Variants in FBXL17 observed in about 807,000 individuals in gnomAD.
FBXL17 encodes the protein F-box/LRR-repeat protein 17.
A neutral mutation model predicts 66.2 loss-of-function variants in FBXL17; 22 were observed. The ratio of observed to expected loss-of-function variants is 0.33; its 90% CI spans 0.24 to 0.47. The LOEUF is 0.47. Ranked by LOEUF, FBXL17 falls within the 20% of genes least tolerant of loss-of-function variation. The probability of loss-of-function intolerance (pLI) is 1.00; values close to 1 mark genes in which losing one functional copy is unlikely to be tolerated. For missense variants in FBXL17, 878 were observed against 948.2 expected (o/e 0.93, Z 0.97); for synonymous variants, 474 against 400.5 (o/e 1.18, Z -2.19).
intron 4 of FBXL17, among the ~76,000 whole-genome samples, chr5:108,259,075 A>T (rs865930961): frequency 3.9e-5 from 6 of 152,236 alleles, no homozygotes; most frequent in African/African-American, 1.4e-4. Flanking sequence ...TCTCCCTTGA[A>T]CAATAAGTCT....
intron 7 of FBXL17, among the ~76,000 whole-genome samples, chr5:107,998,240 G>C (rs185400685): frequency 1.4e-4 from 22 of 152,236 alleles, no homozygotes; most frequent in Admixed American, 3.9e-4. Flanking sequence ...GTGGCTACTA[G>C]AACATTTTAA....
chr5:107,880,948 G>T (rs772820336), intron 8 of FBXL17, 89 bp downstream of exon 8: 1 of 1,607,098 alleles, frequency 6.2e-7, no homozygotes. Flanking sequence ...ATACACGGGG[G>T]TGGAGATAGA....
chr5:108,340,839 G>T (rs1443196937), intron 4 of FBXL17, among the ~76,000 whole-genome samples: 1 of 152,084 alleles, frequency 6.6e-6, no homozygotes, highest in South Asian at 2.1e-4. Context: ...TAGGAGGGAT[G>T]AATAAAAAGA....
At chr5:108,230,631 G>A (rs1487307287) in intron 4 of FBXL17, among the ~76,000 whole-genome samples, 1 of 151,842 alleles carries the variant, frequency 6.6e-6, no homozygotes, top group South Asian at 2.1e-4. Flanking sequence ...TATACTGCTC[G>A]GGTGATGGGT....
At chr5:107,899,498 T>G (rs922472670) in intron 7 of FBXL17, among the ~76,000 whole-genome samples, 2 of 152,076 alleles carry the variant, frequency 1.3e-5, no homozygotes, top group Non-Finnish European at 2.9e-5. Context: ...TTAAAAGGTG[T>G]GATGGCAGGC....
chr5:108,164,181 A>G (rs1179589707), intron 6 of FBXL17, among the ~76,000 whole-genome samples: 1 of 152,238 alleles, frequency 6.6e-6, no homozygotes, highest in African/African-American at 2.4e-5. Context: ...TCAACAGGAA[A>G]TAGGATAAGC....
intron 7 of FBXL17, among the ~76,000 whole-genome samples, chr5:107,939,347 G>T (rs1004533628): frequency 1.3e-5 from 2 of 151,914 alleles, no homozygotes; most frequent in African/African-American, 4.8e-5. Flanking sequence ...CGTGCTTCTG[G>T]GGCACGCAAC....
At chr5:107,886,289 C>T (rs142140607) in intron 7 of FBXL17, among the ~76,000 whole-genome samples, 118 of 152,244 alleles carry the variant, frequency 7.8e-4, no homozygotes, top group African/African-American at 2.8e-3. Context: ...GAGGCACACA[C>T]ATACACAGAT....
chr5:108,307,708 A>G (rs1031454698), intron 4 of FBXL17, among the ~76,000 whole-genome samples: 1 of 152,122 alleles, frequency 6.6e-6, no homozygotes, highest in African/African-American at 2.4e-5. Flanking sequence ...CTTTGCTGCT[A>G]TGAATGACAG....
intron 6 of FBXL17, among the ~76,000 whole-genome samples, chr5:108,111,249 AAAG>A (rs1750022127): frequency 6.7e-6 from 1 of 148,690 alleles, no homozygotes; most frequent in African/African-American, 2.4e-5. Flanking sequence ...AAGAAAAGAA[AAAG>A]AAGAAAGAGG....
At chr5:108,128,823 C>T (rs910591537) in intron 6 of FBXL17, among the ~76,000 whole-genome samples, 2 of 152,030 alleles carry the variant, frequency 1.3e-5, no homozygotes, top group African/African-American at 2.4e-5. Flanking sequence ...AGGAAATATA[C>T]TGTAAGGAAA....
At chr5:108,155,299 G>C (rs1223034479) in intron 6 of FBXL17, among the ~76,000 whole-genome samples, 1 of 152,034 alleles carries the variant, frequency 6.6e-6, no homozygotes, top group South Asian at 2.1e-4. Flanking sequence ...GGCAGATCAC[G>C]AGGTCTGGAG....
At chr5:108,119,731 T>G (rs554263222) in intron 6 of FBXL17, among the ~76,000 whole-genome samples, 1 of 152,334 alleles carries the variant, frequency 6.6e-6, no homozygotes, top group Non-Finnish European at 1.5e-5. Flanking sequence ...GAATACACAA[T>G]CTACTCATTT....
intron 7 of FBXL17, among the ~76,000 whole-genome samples, chr5:107,935,630 C>T (rs1750880802): frequency 6.6e-6 from 1 of 152,016 alleles, no homozygotes; most frequent in African/African-American, 2.4e-5. Flanking sequence ...TAGTAATAAA[C>T]AGAATTACAT....
At chr5:108,046,195 C>G (rs2112812588) in intron 6 of FBXL17, among the ~76,000 whole-genome samples, 1 of 152,222 alleles carries the variant, frequency 6.6e-6, no homozygotes, top group East Asian at 1.9e-4. Context: ...ATCCTTTTAT[C>G]ATTACATAAT....
chr5:107,863,248 A>G (rs971054935), intron 8 of FBXL17, among the ~76,000 whole-genome samples: 2 of 151,406 alleles, frequency 1.3e-5, no homozygotes, highest in African/African-American at 4.8e-5. Flanking sequence ...ACAGCTTATA[A>G]CAGTACATTT....
At chr5:107,889,520 G>C in intron 7 of FBXL17, among the ~76,000 whole-genome samples, 1 of 152,146 alleles carries the variant, frequency 6.6e-6, no homozygotes, top group East Asian at 1.9e-4. Flanking sequence ...AGGGGCATTC[G>C]TTTTATATAA....
At chr5:108,023,402 CT>C (rs1185093819) in intron 6 of FBXL17, among the ~76,000 whole-genome samples, 2 of 152,118 alleles carry the variant, frequency 1.3e-5, no homozygotes, top group African/African-American at 2.4e-5. Flanking sequence ...GATAAAGTAG[CT>C]GTTGTTTCAA....
chr5:108,269,499 C>T (rs1339199896), intron 4 of FBXL17, among the ~76,000 whole-genome samples: 1 of 151,964 alleles, frequency 6.6e-6, no homozygotes, highest in African/African-American at 2.4e-5. Context: ...ATATTGGATA[C>T]AGATGAAAAA....
Sources: allele counts gnomAD v4.1 joint callset (sites outside exome capture counted in the v4.1 genomes callset), GRCh38; gene constraint gnomAD v4.1.1; transcripts MANE v1.5; gene names NCBI Gene and HGNC (gene_info 2026-07-23, HGNC 2026-07-21).